PCDH7: variants seen among roughly 807,000 people sequenced by gnomAD.
PCDH7 encodes protocadherin-7.
In PCDH7, 17 loss-of-function variants were observed where a neutral mutation model predicts 58.9. That is an observed-to-expected ratio of 0.29 (90% CI 0.20 to 0.43). PCDH7 has a LOEUF of 0.43. Among genes scored for constraint, PCDH7 ranks in the 20% least tolerant of loss-of-function variants. The probability of loss-of-function intolerance (pLI) is 1.00; values close to 1 mark genes in which losing one functional copy is unlikely to be tolerated. For missense variants in PCDH7, 1,274 were observed against 1,441.0 expected (o/e 0.88, Z 1.88); for synonymous variants, 664 against 616.4 (o/e 1.08, Z -1.14).
At chr4:30,802,416 C>A (rs962283429) in intron 1 of PCDH7, among the ~76,000 whole-genome samples, 1 of 151,798 alleles carries the variant, frequency 6.6e-6, no homozygotes, top group Non-Finnish European at 1.5e-5. Flanking sequence ...AGGATGATCT[C>A]TTTTACAAAA....
intron 3 of PCDH7, among the ~76,000 whole-genome samples, chr4:31,019,694 A>C (rs1267517347): frequency 6.6e-6 from 1 of 152,050 alleles, no homozygotes; most frequent in Non-Finnish European, 1.5e-5. Flanking sequence ...TCAAAAAAAA[A>C]AAAAAGAAAT....
chr4:30,909,662 C>G (rs1485593576), intron 1 of PCDH7, among the ~76,000 whole-genome samples: 2 of 152,048 alleles, frequency 1.3e-5, no homozygotes, highest in African/African-American at 4.8e-5. Context: ...AACCACTGCT[C>G]AAGGAAATAA....
intron 1 of PCDH7, among the ~76,000 whole-genome samples, chr4:30,838,470 A>G (rs143874559): frequency 2.0e-5 from 3 of 152,134 alleles, no homozygotes; most frequent in African/African-American, 7.2e-5. Context: ...TAACTTATCA[A>G]TGTTTCTCAA....
chr4:30,995,603 G>A (rs1177025028), intron 3 of PCDH7, among the ~76,000 whole-genome samples: 1 of 152,054 alleles, frequency 6.6e-6, no homozygotes, highest in Non-Finnish European at 1.5e-5. Flanking sequence ...GCTTAAAACA[G>A]CACATTTATT....
At position 30,889,137 on chromosome 4, in the gene PCDH7, C is replaced by CAAAAAAAAAAAA. The variant is rs371917620; in HGVS notation, c.71-31008_71-30997dup. ...CAGAGGTTGTGGTGAGCAGATATCT[C>CAAAAAAAAAAAA]AAAAAAAAAAAAAAAAAAAGCAAAA... On this transcript the variant is annotated intron_variant, in intron 1 of 3. Transcript: ENST00000509759. Among the ~76,000 whole-genome samples the CAAAAAAAAAAAA allele has an allele frequency of 3.8e-4, 19 of 49,986 alleles. 1 individual carries two copies. The highest frequency in any genetic ancestry group is 5.5e-4 in the Non-Finnish European group (14 of 25,496). The allele number at this position is 49,986 out of a possible 152,430, so 32.8% of individuals were successfully genotyped here.
intron 3 of PCDH7, among the ~76,000 whole-genome samples, chr4:30,958,031 G>A (rs1474513336): frequency 6.6e-6 from 1 of 152,070 alleles, no homozygotes; most frequent in Non-Finnish European, 1.5e-5. Context: ...CTGCTAAACT[G>A]TGATAGACAG....
At chr4:30,727,642 G>C (rs982869585) in intron 1 of PCDH7, among the ~76,000 whole-genome samples, 1 of 151,866 alleles carries the variant, frequency 6.6e-6, no homozygotes, top group African/African-American at 2.4e-5. Context: ...CCACCTTTCT[G>C]TTTCATTCTT....
chr4:31,145,414 A>T (rs977872284), downstream of PCDH7: 5 of 152,070 alleles, frequency 3.3e-5, no homozygotes, highest in African/African-American at 1.2e-4. Flanking sequence ...TATTTTAAAT[A>T]GGTTAAATCT....
At chr4:31,078,784 G>A (rs1578736594) in intron 3 of PCDH7, among the ~76,000 whole-genome samples, 1 of 151,726 alleles carries the variant, frequency 6.6e-6, no homozygotes, top group Admixed American at 6.6e-5. Flanking sequence ...TTTGGTGATA[G>A]GAAGAGCTTT....
intron 3 of PCDH7, among the ~76,000 whole-genome samples, chr4:31,038,635 G>C (rs1755606979): frequency 6.6e-6 from 1 of 152,016 alleles, no homozygotes; most frequent in Non-Finnish European, 1.5e-5. Flanking sequence ...TATATATTCT[G>C]TGACTTGATT....
Position 30,723,168 on chromosome 4 carries a change from T to G in PCDH7, c.1746T>G (p.Phe582Leu), listed in dbSNP as rs200758928. Residue 582 changes from phenylalanine (F) to leucine (L), a missense_variant, in exon 1 of 2, where the codon TTT (phenylalanine) becomes TTG (leucine). This residue lies in a region of PCDH7 where 731 missense variants were observed against 881.9 expected (regional missense o/e 0.83). Transcript: ENST00000361762. This position sits in a 1 kb window ranked among gnomAD's most constrained non-coding sequence, Gnocchi z 4.6. ...TGGACTCCTCTGTGATGGGGATCTT[T>G]GCCATCGATCCCGATTCTGGGGACA... The G allele has an allele frequency of 6.2e-7, 1 of 1,614,124 alleles. No homozygotes were observed. The highest frequency in any genetic ancestry group is 2.2e-5 in the East Asian group (1 of 44,860).
At chr4:30,882,849 A>G (rs1324117858) in intron 1 of PCDH7, among the ~76,000 whole-genome samples, 3 of 152,338 alleles carry the variant, frequency 2.0e-5, no homozygotes, top group African/African-American at 7.2e-5. Context: ...ATATCTTCAT[A>G]TATCCAAATA....
intron 1 of PCDH7, among the ~76,000 whole-genome samples, chr4:30,826,087 C>T (rs1729061578): frequency 6.6e-6 from 1 of 152,134 alleles, no homozygotes; most frequent in African/African-American, 2.4e-5. Context: ...CCAAAGAAGG[C>T]TTCACTCTTA....
intron 1 of PCDH7, among the ~76,000 whole-genome samples, chr4:30,914,915 A>AT (rs1742241177): frequency 6.6e-6 from 1 of 152,080 alleles, no homozygotes; most frequent in Admixed American, 6.6e-5. Context: ...TTGTTCTGTT[A>AT]TTTTTTGTGT....
intron 1 of PCDH7, among the ~76,000 whole-genome samples, chr4:30,914,202 A>T (rs1416142007): frequency 6.6e-6 from 1 of 152,340 alleles, no homozygotes; most frequent in East Asian, 1.9e-4. Flanking sequence ...ATGGTAGTTT[A>T]AAAAAGTGTC....
chr4:30,978,540 A>C (rs1251329501), intron 3 of PCDH7, among the ~76,000 whole-genome samples: 2 of 152,194 alleles, frequency 1.3e-5, no homozygotes, highest in African/African-American at 2.4e-5. Flanking sequence ...TCAAACGTGC[A>C]TATGTTTAAA....
chr4:30,996,723 A>T (rs868443976), intron 3 of PCDH7, among the ~76,000 whole-genome samples: 1 of 152,204 alleles, frequency 6.6e-6, no homozygotes, highest in Non-Finnish European at 1.5e-5. Flanking sequence ...TTGTTTTTAT[A>T]ATACTGAGGA....
intron 3 of PCDH7, among the ~76,000 whole-genome samples, chr4:30,999,644 ATACAT>A (rs959544203): frequency 6.6e-6 from 1 of 152,136 alleles, no homozygotes; most frequent in Non-Finnish European, 1.5e-5. Context: ...GGACCAAACG[ATACAT>A]TACATTTTAA....
intron 1 of PCDH7, among the ~76,000 whole-genome samples, chr4:30,826,763 T>C (rs942762099): frequency 6.6e-6 from 1 of 152,066 alleles, no homozygotes; most frequent in African/African-American, 2.4e-5. Flanking sequence ...TCTCGTTTTG[T>C]CACCCAGGCT....
Sources: allele counts gnomAD v4.1 joint callset (sites outside exome capture counted in the v4.1 genomes callset), GRCh38; gene constraint gnomAD v4.1.1; regional missense constraint gnomAD v4.1.1; non-coding constraint Gnocchi (gnomAD v3.1); transcripts MANE v1.5; gene names NCBI Gene and HGNC (gene_info 2026-07-23, HGNC 2026-07-21).